ZFAT: variants seen among roughly 807,000 people sequenced by gnomAD.
ZFAT encodes the protein zinc finger protein ZFAT.
Under a neutral mutation model 117.7 loss-of-function variants are expected in ZFAT, and 64 were observed. That is an observed-to-expected ratio of 0.54 (90% CI 0.44 to 0.67). The LOEUF is 0.67. Ranked by LOEUF, ZFAT falls within the 30% of genes least tolerant of loss-of-function variation. The pLI is 0.00. For synonymous variants in ZFAT, 679 were observed against 615.0 expected (o/e 1.10, Z -1.54); for missense variants, 1,433 against 1,584.5 (o/e 0.90, Z 1.62).
the ZFAT span, among the ~76,000 whole-genome samples, chr8:134,802,739 A>C: frequency 6.6e-6 from 1 of 152,208 alleles, no homozygotes; most frequent in Non-Finnish European, 1.5e-5. Context: ...ATAATAAGTA[A>C]TTTCTGTGCT....
the ZFAT span, among the ~76,000 whole-genome samples, chr8:134,743,532 G>T: frequency 6.6e-6 from 1 of 151,760 alleles, no homozygotes; most frequent in African/African-American, 2.4e-5. Context: ...GAAGGAAAAT[G>T]TCATTATACT....
the ZFAT span, among the ~76,000 whole-genome samples, chr8:134,782,080 A>C: frequency 2.7e-4 from 41 of 152,208 alleles, no homozygotes; most frequent in Non-Finnish European, 4.4e-4. Context: ...TCAAAGGTCA[A>C]CTGTATATTG....
intron 1 of ZFAT, among the ~76,000 whole-genome samples, chr8:134,705,490 T>G (rs1834126343): frequency 6.6e-6 from 1 of 151,760 alleles, no homozygotes; most frequent in Admixed American, 6.6e-5. Context: ...ATGCTGAGAT[T>G]GAAGGCATGA....
At chr8:134,697,787 G>A (rs1257924088) in intron 1 of ZFAT, among the ~76,000 whole-genome samples, 1 of 149,352 alleles carries the variant, frequency 6.7e-6, no homozygotes, top group African/African-American at 2.4e-5. Context: ...CACCATGTTG[G>A]CCAGGCTGAT....
chr8:134,697,532 C>G (rs148102219), intron 1 of ZFAT, among the ~76,000 whole-genome samples: 4,472 of 150,096 alleles, frequency 0.03, 222 homozygotes, highest in African/African-American at 0.1. Flanking sequence ...TCCAGACCAT[C>G]CTGGCTAACA....
chr8:134,763,303 C>T, the ZFAT span, among the ~76,000 whole-genome samples: 69,748 of 152,034 alleles, frequency 0.46, 16,781 homozygotes, highest in African/African-American at 0.61. Flanking sequence ...ACACTTAATC[C>T]CTTTCACTCG....
chr8:134,781,482 A>G, the ZFAT span, among the ~76,000 whole-genome samples: 5 of 152,220 alleles, frequency 3.3e-5, no homozygotes, highest in African/African-American at 1.2e-4. Context: ...CTTAAAATGT[A>G]ATACCCTTAA....
chr8:134,527,815 A>C (rs1033262136), intron 12 of ZFAT, among the ~76,000 whole-genome samples: 4 of 152,166 alleles, frequency 2.6e-5, no homozygotes, highest in Non-Finnish European at 4.4e-5. Flanking sequence ...AATAAGAAAC[A>C]CTTGGCAGAG....
intron 7 of ZFAT, among the ~76,000 whole-genome samples, chr8:134,591,137 A>T (rs867519569): frequency 4.1e-4 from 63 of 152,350 alleles, no homozygotes; most frequent in African/African-American, 1.5e-3. Flanking sequence ...CCAGCACTCA[A>T]CGCAGGGATT....
At chr8:134,809,841 T>C in the ZFAT span, among the ~76,000 whole-genome samples, 14 of 152,314 alleles carry the variant, frequency 9.2e-5, no homozygotes, top group Middle Eastern at 6.8e-3. Context: ...CTGACCATAA[T>C]TGAAACCGAC....
At chr8:134,713,343 G>C, upstream of ZFAT, among the ~76,000 whole-genome samples, 1 of 152,244 alleles carries the variant, frequency 6.6e-6, no homozygotes, top group East Asian at 1.9e-4. Context: ...CGTGCAAGGA[G>C]AGTTCTGGGT....
At chr8:134,514,831 C>G (rs60858967) in intron 13 of ZFAT, among the ~76,000 whole-genome samples, 3 of 152,132 alleles carry the variant, frequency 2.0e-5, no homozygotes, top group Non-Finnish European at 4.4e-5. Flanking sequence ...TAATTATACT[C>G]TAAGTTCTGG....
At chr8:134,780,762 A>G in the ZFAT span, among the ~76,000 whole-genome samples, 1 of 152,346 alleles carries the variant, frequency 6.6e-6, no homozygotes, top group Admixed American at 6.5e-5. Flanking sequence ...TAAATGCTGA[A>G]TTGAAAAAAA....
At chr8:134,601,214 A>G (rs1469041370) in intron 6 of ZFAT, among the ~76,000 whole-genome samples, 1 of 152,184 alleles carries the variant, frequency 6.6e-6, no homozygotes, top group Non-Finnish European at 1.5e-5. Flanking sequence ...CTTCTTGGTT[A>G]GAGTTCTGGT....
intron 1 of ZFAT, among the ~76,000 whole-genome samples, chr8:134,697,245 C>T (rs1208672931): frequency 6.6e-6 from 1 of 152,086 alleles, no homozygotes; most frequent in Non-Finnish European, 1.5e-5. Context: ...TCCTGAGTAC[C>T]TGGGATTACG....
At chr8:134,550,310 G>GAAAAAAAAAAAAAAAAAAAAAAAAAAA (rs10680896) in intron 11 of ZFAT, among the ~76,000 whole-genome samples, 3 of 72,534 alleles carry the variant, frequency 4.1e-5, no homozygotes, top group Non-Finnish European at 7.7e-5. Context: ...GGTCACAACG[G>GAAAAAAAAAAAAAAAAAAAAAAAAAAA]AAAAAAAAAA....
At chr8:134,546,121 C>A (rs1204708504) in intron 11 of ZFAT, among the ~76,000 whole-genome samples, 1 of 152,176 alleles carries the variant, frequency 6.6e-6, no homozygotes, top group Admixed American at 6.5e-5. Flanking sequence ...GGTTTATTTT[C>A]TTTCATCTGT....
intron 15 of ZFAT, among the ~76,000 whole-genome samples, chr8:134,495,362 A>C (rs1818357620): frequency 6.6e-6 from 1 of 152,134 alleles, no homozygotes; most frequent in Non-Finnish European, 1.5e-5. Context: ...CATCGCATTC[A>C]TGGGGCTCCA....
chr8:134,713,135 T>G, upstream of ZFAT: 1 of 353,356 alleles, frequency 2.8e-6, no homozygotes, highest in East Asian at 4.3e-5. Context: ...AGGGCCGAGC[T>G]AACGCGCATG....
Sources: gnomAD v4.1 joint callset for allele counts (sites outside exome capture counted in the v4.1 genomes callset) on GRCh38, gnomAD v4.1.1 for gene constraint, MANE v1.5 for transcripts, NCBI Gene and HGNC (gene_info 2026-07-23, HGNC 2026-07-21) for gene names.